Variants in CDS1 observed in about 807,000 individuals in gnomAD.
The protein encoded by CDS1 is phosphatidate cytidylyltransferase 1.
Under a neutral mutation model 62.1 loss-of-function variants are expected in CDS1, and 41 were observed. The observed-to-expected ratio is 0.66, with a 90% CI of 0.51 to 0.86. CDS1 has a LOEUF of 0.86. Among genes scored for constraint, CDS1 ranks in the 40% least tolerant of loss-of-function variants. CDS1 has a pLI of 0.00. For synonymous variants in CDS1, 185 were observed against 192.6 expected (o/e 0.96, Z 0.32); for missense variants, 470 against 550.1 (o/e 0.85, Z 1.46).
chr4:84,605,898 A>G (rs1488333025), intron 2 of CDS1, among the ~76,000 whole-genome samples: 1 of 152,146 alleles, frequency 6.6e-6, no homozygotes, highest in Non-Finnish European at 1.5e-5. Flanking sequence ...GGCAGATATT[A>G]TATATCAAGG....
chr4:84,620,004 C>T (rs938706557), intron 5 of CDS1, among the ~76,000 whole-genome samples: 1 of 141,256 alleles, frequency 7.1e-6, no homozygotes, highest in Non-Finnish European at 1.5e-5. Flanking sequence ...TGCACTCCAG[C>T]CTGGGCAAAA....
intron 1 of CDS1, among the ~76,000 whole-genome samples, chr4:84,584,265 G>A (rs1253973281): frequency 5.9e-5 from 9 of 152,158 alleles, no homozygotes; most frequent in Middle Eastern, 3.2e-3. Flanking sequence ...GAATTCGGGC[G>A]TGTTTGGTAA....
intron 6 of CDS1, among the ~76,000 whole-genome samples, chr4:84,632,128 TAA>T: frequency 6.6e-6 from 1 of 152,340 alleles, no homozygotes; most frequent in Non-Finnish European, 1.5e-5. Context: ...GGTGTAAAAT[TAA>T]AGTTTTTGGG....
At chr4:84,618,061 A>G (rs1361305555) in intron 4 of CDS1, among the ~76,000 whole-genome samples, 1 of 152,180 alleles carries the variant, frequency 6.6e-6, no homozygotes. Flanking sequence ...CATATTGTAT[A>G]TATACAAATG....
chr4:84,637,109 G>A (rs1724235757), intron 8 of CDS1, among the ~76,000 whole-genome samples: 1 of 152,198 alleles, frequency 6.6e-6, no homozygotes, highest in African/African-American at 2.4e-5. Context: ...CTCACAGAGA[G>A]CACCTGCTGA....
At chr4:84,639,253 A>G (rs116281066) in intron 9 of CDS1, among the ~76,000 whole-genome samples, 5,246 of 152,242 alleles carry the variant, frequency 0.034, 98 homozygotes, top group South Asian at 0.051. Flanking sequence ...ATGGCCATCC[A>G]TGCTGTCTTG....
At chr4:84,641,928 G>T (rs1724396358) in intron 10 of CDS1, among the ~76,000 whole-genome samples, 1 of 152,134 alleles carries the variant, frequency 6.6e-6, no homozygotes, top group Non-Finnish European at 1.5e-5. Context: ...TGGTTTCCAA[G>T]AACTTTTTCA....
Position 84,640,870 on chromosome 4 carries a change from T to C in CDS1, c.912T>C (p.Phe304=). 5 of 1,604,958 alleles carry C rather than the reference T, an allele frequency of 3.1e-6. No homozygotes were observed. Among genetic ancestry groups the C allele is most frequent in the Non-Finnish European group, 4.3e-6 (5 of 1,176,358 alleles). Residue 304 remains phenylalanine (F), a synonymous_variant, in exon 10 of 13, where the codon TTT becomes TTC. Transcript: ENST00000295887. Reference sequence around the variant, plus strand: ...ATGTGTTATCCAAATACCAGTACTTTGTCTGCCCAGTGGAATACCGAAGTG... The same window carrying C: ...ATGTGTTATCCAAATACCAGTACTTCGTCTGCCCAGTGGAATACCGAAGTG... The part of the protein sequence containing the change: ...AAYVLSKYQY[F]VCPVEYRSDV...
chr4:84,637,536 A>G (rs772576570), intron 8 of CDS1, among the ~76,000 whole-genome samples: 1 of 152,068 alleles, frequency 6.6e-6, no homozygotes, highest in Non-Finnish European at 1.5e-5. Flanking sequence ...ATGGTGCTTA[A>G]CCATTAGAAA....
At chr4:84,593,374 C>G (rs974071031) in intron 1 of CDS1, among the ~76,000 whole-genome samples, 2 of 152,212 alleles carry the variant, frequency 1.3e-5, no homozygotes, top group Non-Finnish European at 2.9e-5. Flanking sequence ...TTTGCATCCT[C>G]TGTCGCCTTT....
chr4:84,641,526 A>G (rs918495080), intron 10 of CDS1, among the ~76,000 whole-genome samples: 8 of 152,232 alleles, frequency 5.3e-5, no homozygotes, highest in Non-Finnish European at 5.9e-5. Context: ...ATGGTTTAGA[A>G]TGTGTTTCTC....
In CDS1 at chr4:84,631,859, T is replaced by C. The variant is rs911543631; in HGVS notation, c.621T>C (p.Tyr207=). 5.0e-6 allele frequency: 8 copies of C among 1,610,910 alleles called. No homozygotes were observed. Among genetic ancestry groups the C allele is most frequent in the Non-Finnish European group, 6.8e-6 (8 of 1,177,380 alleles). The change falls in exon 6 of 13, where the codon TAT becomes TAC. Residue 207 remains tyrosine (Y), a synonymous_variant. Coordinates refer to ENST00000295887, the MANE Select transcript of CDS1 (RefSeq NM_001263.4). ...MFVLSLVKKH[Y]RLQFYMFAWT... is the part of the protein sequence containing the mutation. ...TACTGAGTTTGGTGAAGAAACATTA[T>C]CGTCTGCAGTTTTATATGGTGTGTA...
intron 3 of CDS1, among the ~76,000 whole-genome samples, chr4:84,615,653 G>A (rs1022966513): frequency 4.6e-5 from 7 of 152,014 alleles, no homozygotes; most frequent in Non-Finnish European, 8.8e-5. Context: ...GGTTGTAGTC[G>A]TGTTTCCTCC....
At chr4:84,643,193 T>G (rs1222948911) in intron 11 of CDS1, 50 bp downstream of exon 11, 1 of 1,579,330 alleles carries the variant, frequency 6.3e-7, no homozygotes, top group African/African-American at 1.3e-5. Context: ...AATTAGAGAA[T>G]GTAACCTAGT....
chr4:84,588,745 AT>A (rs1168574662), intron 1 of CDS1, among the ~76,000 whole-genome samples: 1 of 152,192 alleles, frequency 6.6e-6, no homozygotes, highest in East Asian at 1.9e-4. Flanking sequence ...AAAGTGGTCT[AT>A]CTTTTAAAAG....
At chr4:84,633,765 TG>T in intron 6 of CDS1, 91 bp from the exon 7 acceptor site, 1 of 604,778 alleles carries the variant, frequency 1.7e-6, no homozygotes. Flanking sequence ...CCAAAAGTCA[TG>T]GTAGAAATTT....
At chr4:84,583,680 G>C in intron 1 of CDS1, among the ~76,000 whole-genome samples, 162 bp downstream of exon 1, 1 of 152,142 alleles carries the variant, frequency 6.6e-6, no homozygotes, top group African/African-American at 2.4e-5. Context: ...TCTCCAGAGG[G>C]GGTCGGGACC....
chr4:84,606,305 AGTGTGTGTGT>A (rs60828105), intron 2 of CDS1, among the ~76,000 whole-genome samples: 7 of 146,400 alleles, frequency 4.8e-5, no homozygotes, highest in Admixed American at 4.1e-4. Context: ...TTTCTTGTGC[AGTGTGTGTGT>A]GTGTGTGTGT....
At chr4:84,620,225 T>TA (rs1437074993) in intron 5 of CDS1, among the ~76,000 whole-genome samples, 38 of 140,820 alleles carry the variant, frequency 2.7e-4, no homozygotes, top group Non-Finnish European at 4.6e-4. Flanking sequence ...AGTTGTTTTT[T>TA]TTTTTTTTTT....
Sources: allele counts gnomAD v4.1 joint callset (sites outside exome capture counted in the v4.1 genomes callset), GRCh38; gene constraint gnomAD v4.1.1; transcripts MANE v1.5; gene names NCBI Gene and HGNC (gene_info 2026-07-23, HGNC 2026-07-21).